Variants in SNTB1 observed in about 807,000 individuals in gnomAD.
The protein encoded by SNTB1 is syntrophin beta 1, also known as beta-1-syntrophin.
In SNTB1, 36 loss-of-function variants were observed where a neutral mutation model predicts 48.9. That is an observed-to-expected ratio of 0.74 (90% CI 0.56 to 0.97). The LOEUF (loss-of-function observed/expected upper bound fraction) is 0.97. Among genes scored for constraint, SNTB1 ranks in the 50% least tolerant of loss-of-function variants. The probability of loss-of-function intolerance (pLI) is 0.00; values close to 1 mark genes in which losing one functional copy is unlikely to be tolerated. For missense variants in SNTB1, 786 were observed against 703.4 expected (o/e 1.12, Z -1.33); for synonymous variants, 299 against 294.6 (o/e 1.01, Z -0.15).
intron 1 of SNTB1, among the ~76,000 whole-genome samples, chr8:120,756,613 T>C (rs1315077643): frequency 6.6e-6 from 1 of 152,132 alleles, no homozygotes; most frequent in Non-Finnish European, 1.5e-5. Flanking sequence ...CTATGTTTCT[T>C]CAATGGAGTT....
chr8:120,666,645 T>C (rs1353769392), intron 2 of SNTB1, among the ~76,000 whole-genome samples: 1 of 152,218 alleles, frequency 6.6e-6, no homozygotes, highest in Non-Finnish European at 1.5e-5. Flanking sequence ...TTTTATCAAA[T>C]TTGAGTAATT....
chr8:120,603,577 T>C (rs1389405527), intron 3 of SNTB1, among the ~76,000 whole-genome samples: 1 of 152,166 alleles, frequency 6.6e-6, no homozygotes. Flanking sequence ...ACCTACTGAA[T>C]CAGAAACTCT....
chr8:120,747,053 A>C (rs61336384), intron 1 of SNTB1, among the ~76,000 whole-genome samples: 19,689 of 152,002 alleles, frequency 0.13, 1,631 homozygotes, highest in African/African-American at 0.23. Context: ...AAAAATGTCC[A>C]TGGTGTATTT....
At chr8:120,556,007 A>T in intron 4 of SNTB1, among the ~76,000 whole-genome samples, 1 of 152,158 alleles carries the variant, frequency 6.6e-6, no homozygotes, top group East Asian at 1.9e-4. Context: ...TGTTGTTGGC[A>T]CCACCCAGTC....
chr8:120,612,985 G>A (rs181791726), intron 3 of SNTB1, among the ~76,000 whole-genome samples: 3 of 152,280 alleles, frequency 2.0e-5, no homozygotes, highest in Non-Finnish European at 4.4e-5. Context: ...TGGAGGTCAT[G>A]ATGTTAAGCG....
intron 1 of SNTB1, among the ~76,000 whole-genome samples, chr8:120,793,460 A>T (rs1249822849): frequency 6.6e-6 from 1 of 152,090 alleles, no homozygotes; most frequent in African/African-American, 2.4e-5. Flanking sequence ...GCTGCTAAAA[A>T]GATAAAGCAA....
intron 1 of SNTB1, among the ~76,000 whole-genome samples, chr8:120,799,940 T>C (rs1820194547): frequency 6.6e-6 from 1 of 152,134 alleles, no homozygotes; most frequent in Non-Finnish European, 1.5e-5. Context: ...TCTCATTTCC[T>C]GTTCCATACT....
intron 3 of SNTB1, among the ~76,000 whole-genome samples, chr8:120,632,052 T>C (rs1816990507): frequency 6.6e-6 from 1 of 152,210 alleles, no homozygotes; most frequent in South Asian, 2.1e-4. Context: ...AACAGGCTCA[T>C]CAAAACCCAC....
At chr8:120,690,018 C>T (rs189781689) in intron 2 of SNTB1, among the ~76,000 whole-genome samples, 2 of 152,042 alleles carry the variant, frequency 1.3e-5, no homozygotes, top group East Asian at 3.9e-4. Flanking sequence ...GTAAGTCGAC[C>T]CTTACTTATG....
chr8:120,571,060 CAT>C, intron 4 of SNTB1: 1 of 525,674 alleles, frequency 1.9e-6, no homozygotes, highest in South Asian at 2.7e-5. Context: ...ACTCCTGGCA[CAT>C]AGTAGATGAT....
chr8:120,747,168 T>C (rs1819139362), intron 1 of SNTB1, among the ~76,000 whole-genome samples: 2 of 152,238 alleles, frequency 1.3e-5, no homozygotes. Context: ...CACCATGGAA[T>C]ACTATGCAGC....
intron 2 of SNTB1, among the ~76,000 whole-genome samples, chr8:120,671,862 A>G (rs190724618): frequency 1.0e-3 from 155 of 152,320 alleles, no homozygotes; most frequent in Non-Finnish European, 1.7e-3. Context: ...ACTTAAAGAT[A>G]GACTTATTTT....
chr8:120,697,103 A>G (rs1342042515), intron 1 of SNTB1, among the ~76,000 whole-genome samples: 1 of 152,226 alleles, frequency 6.6e-6, no homozygotes, highest in African/African-American at 2.4e-5. Context: ...ACATAAGGGA[A>G]GAGTAATCCC....
intron 2 of SNTB1, among the ~76,000 whole-genome samples, chr8:120,673,307 T>C (rs1817785343): frequency 6.6e-6 from 1 of 151,850 alleles, no homozygotes; most frequent in Non-Finnish European, 1.5e-5. Context: ...TTTTTTTTTT[T>C]TGAGACCAAA....
intron 1 of SNTB1, among the ~76,000 whole-genome samples, chr8:120,744,651 T>C (rs574606558): frequency 5.3e-5 from 8 of 152,294 alleles, no homozygotes; most frequent in Admixed American, 5.2e-4. Flanking sequence ...GGTAGGTTTT[T>C]TCTGGACAAA....
chr8:120,780,015 C>G (rs1300221747), intron 1 of SNTB1, among the ~76,000 whole-genome samples: 1 of 143,366 alleles, frequency 7.0e-6, no homozygotes, highest in African/African-American at 2.6e-5. Context: ...GGATGTGTTG[C>G]AAAAAAGTAA....
chr8:120,571,484 T>TG (rs1369595594), intron 4 of SNTB1: 1 of 6,720 alleles, frequency 1.5e-4, no homozygotes, highest in African/African-American at 3.8e-4. Context: ...TGAGGGTTTT[T>TG]TTTTTTTTTT....
rs142098754 is a variant in SNTB1, at chr8:120,577,730, A to G, written c.997-2505T>C. On this transcript the variant is annotated intron_variant, in intron 3 of 6. Coordinates refer to ENST00000517992, the MANE Select transcript of SNTB1 (RefSeq NM_021021.4). ...ATATTAAGTTTGAAAATAAGACTCA[A>G]CAGTAAATACCAACAGTATAATGCA... is the stretch of plus-strand genomic sequence containing the variant. Among the ~76,000 whole-genome samples the G allele has an allele frequency of 4.6e-5, 7 of 152,334 alleles. No individual in the cohort carries two copies. The East Asian group carries it at 1.3e-3, about 29-fold the overall frequency.
rs775949568 is a variant in SNTB1, at chr8:120,541,941, T to C, written c.1393A>G (p.Ile465Val). ...LTIHYENGFS[I>V]TTEPQEGAFP... ...GCACCCTCCTGTGGTTCAGTGGTAATAGAAAATCCATTCTCATAATGTATG... is the reference window on the plus strand; with the variant it reads ...GCACCCTCCTGTGGTTCAGTGGTAACAGAAAATCCATTCTCATAATGTATG... The change falls in exon 6 of 7, where the codon ATT becomes GTT. Residue 465 changes from isoleucine to valine, a missense_variant. Coordinates refer to ENST00000517992, the MANE Select transcript of SNTB1 (RefSeq NM_021021.4). 3 of 1,613,992 alleles carry C rather than the reference T, an allele frequency of 1.9e-6. No individual in the cohort carries two copies. Among genetic ancestry groups the C allele is most frequent in the Admixed American group, 1.7e-5 (1 of 60,016 alleles).
Sources: gnomAD v4.1 joint callset for allele counts (sites outside exome capture counted in the v4.1 genomes callset) on GRCh38, gnomAD v4.1.1 for gene constraint, MANE v1.5 for transcripts, NCBI Gene and HGNC (gene_info 2026-07-23, HGNC 2026-07-21) for gene names.